CELF5: variants seen among roughly 807,000 people sequenced by gnomAD.
CELF5 encodes CUG-BP and ETR-3 like factor 5.
In CELF5, 6 loss-of-function variants were observed where a neutral mutation model predicts 54.9. That is an observed-to-expected ratio of 0.11 (90% CI 0.06 to 0.22). The LOEUF (loss-of-function observed/expected upper bound fraction) is 0.22, where lower values mean the gene tolerates loss of function less well. Among genes scored for constraint, CELF5 ranks in the 10% least tolerant of loss-of-function variants. The probability of loss-of-function intolerance (pLI) is 1.00; values close to 1 mark genes in which losing one functional copy is unlikely to be tolerated. For synonymous variants in CELF5, 271 were observed against 290.9 expected, an observed-to-expected ratio of 0.93 and a Z score of 0.70; for missense variants, 401 against 678.6, an observed-to-expected ratio of 0.59 and a Z score of 4.54.
chr19:3,232,000 A>G (rs1917290389), intron 1 of CELF5, among the ~76,000 whole-genome samples: 1 of 151,622 alleles, frequency 6.6e-6, no homozygotes, highest in Non-Finnish European at 1.5e-5. Flanking sequence ...GAATGGATGG[A>G]TGGATGATGG....
chr19:3,258,863 G>A (rs10410005), intron 2 of CELF5, among the ~76,000 whole-genome samples: 20,908 of 151,858 alleles, frequency 0.14, 1,518 homozygotes, highest in African/African-American at 0.18. Flanking sequence ...CTCCCGCCTC[G>A]GCCTCCCAAA....
chr19:3,289,546 G>A (rs911221753), intron 10 of CELF5, among the ~76,000 whole-genome samples: 3 of 151,948 alleles, frequency 2.0e-5, no homozygotes, highest in South Asian at 2.1e-4. Flanking sequence ...TCCGGGCTTG[G>A]TGGTGGGCAC....
rs1484585284 is a variant in CELF5, at chr19:3,281,451, C to A, written c.750+106C>A. 3 of 1,316,076 alleles carry A rather than the reference C, an allele frequency of 2.3e-6. No individual in the cohort carries two copies. The highest frequency in any genetic ancestry group is 1.3e-5 in the South Asian group (1 of 74,734). 81.5% of individuals were successfully genotyped at this position (1,316,076 alleles called of 1,614,324 possible). On this transcript the variant is annotated intron_variant, in intron 6 of 12. Coordinates refer to ENST00000292672, the MANE Select transcript of CELF5 (RefSeq NM_021938.4). This position sits in a 1 kb window ranked among gnomAD's most constrained non-coding sequence, Gnocchi z 6.5. ...TCCCTCCATCTCCCTGACTCAGGGTCCTCTCCTGGCGTGGCTGAACCCCAA... is the reference window on the plus strand; with the variant it reads ...TCCCTCCATCTCCCTGACTCAGGGTACTCTCCTGGCGTGGCTGAACCCCAA...
intron 1 of CELF5, among the ~76,000 whole-genome samples, chr19:3,250,366 G>C (rs900944284): frequency 4.6e-5 from 7 of 152,156 alleles, no homozygotes; most frequent in African/African-American, 1.7e-4. Context: ...GCGGGCGCCT[G>C]TAGTCCCAGC....
In CELF5 at chr19:3,282,609, G is replaced by A. The variant is rs187646677; in HGVS notation, c.1039+111G>A. Reference sequence around the variant, plus strand: ...CAGTGCCCAGGGAACAGAAGGGCAGGAAAAAGGGTGTCTCCGCTGAGCAGA... The same window carrying A: ...CAGTGCCCAGGGAACAGAAGGGCAGAAAAAAGGGTGTCTCCGCTGAGCAGA... On this transcript the variant is annotated intron_variant, in intron 8 of 12. Coordinates refer to ENST00000292672, the MANE Select transcript of CELF5 (RefSeq NM_021938.4). The surrounding 1 kb of genome is among the most constrained non-coding windows in gnomAD (Gnocchi z 5.2). The A allele has an allele frequency of 2.8e-3, 3,459 of 1,247,628 alleles. 196 individuals carry two copies. The Admixed American group carries it at 0.075, about 27-fold the overall frequency. The allele number at this position is 1,247,628 out of a possible 1,614,324, so 77.3% of individuals were successfully genotyped here. A position where few individuals can be genotyped will look rare whatever the true frequency, so the allele number is the denominator to read the frequency against.
chr19:3,237,677 G>A (rs1430067138), intron 1 of CELF5, among the ~76,000 whole-genome samples: 1 of 152,180 alleles, frequency 6.6e-6, no homozygotes, highest in Non-Finnish European at 1.5e-5. Context: ...ACCACATCCT[G>A]TTTTATAAGC....
intron 2 of CELF5, among the ~76,000 whole-genome samples, chr19:3,251,670 TTTTTG>T (rs1405933378): frequency 2.2e-5 from 3 of 139,506 alleles, no homozygotes; most frequent in Non-Finnish European, 4.7e-5. Flanking sequence ...TTTTTTTTTT[TTTTTG>T]TTGTTGTTGT....
At chr19:3,259,913 G>T (rs1265745211) in intron 2 of CELF5, among the ~76,000 whole-genome samples, 1 of 152,172 alleles carries the variant, frequency 6.6e-6, no homozygotes. Context: ...CCTTGCCTAG[G>T]AAGATAAGGA....
intron 1 of CELF5, among the ~76,000 whole-genome samples, chr19:3,232,932 G>T (rs1406431956): frequency 2.0e-5 from 3 of 151,940 alleles, no homozygotes; most frequent in Non-Finnish European, 2.9e-5. Context: ...AAATTAGCCG[G>T]GTGTGGTGGT....
At chr19:3,227,278 A>G (rs1262166376) in intron 1 of CELF5, among the ~76,000 whole-genome samples, 1 of 152,142 alleles carries the variant, frequency 6.6e-6, no homozygotes, top group Non-Finnish European at 1.5e-5. Context: ...ACTTCTGGCT[A>G]GTGACTGCCC....
At chr19:3,271,366 G>A (rs1031681948) in intron 2 of CELF5, among the ~76,000 whole-genome samples, 2 of 152,102 alleles carry the variant, frequency 1.3e-5, no homozygotes, top group African/African-American at 2.4e-5. Context: ...AAAGGGCCCC[G>A]GTGTGTATGC....
At chr19:3,257,088 C>T (rs879887905) in intron 2 of CELF5, among the ~76,000 whole-genome samples, 1 of 152,154 alleles carries the variant, frequency 6.6e-6, no homozygotes, top group African/African-American at 2.4e-5. Context: ...GGATTACAAG[C>T]GTGAGCTACC....
chr19:3,250,465 G>A (rs1265584455), intron 1 of CELF5, among the ~76,000 whole-genome samples: 1 of 152,112 alleles, frequency 6.6e-6, no homozygotes, highest in Non-Finnish European at 1.5e-5. Context: ...CTCCAGCCTG[G>A]GTGACAGAGC....
At chr19:3,249,948 G>A (rs969071787) in intron 1 of CELF5, among the ~76,000 whole-genome samples, 1 of 152,076 alleles carries the variant, frequency 6.6e-6, no homozygotes, top group African/African-American at 2.4e-5. Context: ...CTTGTCCAGG[G>A]CTCTCAGCAT....
In CELF5 at chr19:3,227,839, T is replaced by C. The variant is rs544465968; in HGVS notation, c.259+2841T>C. Among the ~76,000 whole-genome samples the C allele has an allele frequency of 2.0e-5, 3 of 152,160 alleles. No homozygotes were observed. The East Asian group carries it at 5.8e-4, about 29-fold the overall frequency. On this transcript the variant is annotated intron_variant, in intron 1 of 12. Coordinates refer to ENST00000292672, the MANE Select transcript of CELF5 (RefSeq NM_021938.4). ...GCCAGGAGAAGCAGCTGTGCCTGTA[T>C]CTGTGTGACATAGGGGTGACAGGTT...
At chr19:3,291,571 CAAAAAAA>C (rs34331089) in intron 11 of CELF5, among the ~76,000 whole-genome samples, 2 of 85,220 alleles carry the variant, frequency 2.3e-5, no homozygotes, top group African/African-American at 5.0e-5. Context: ...GACTCCGACT[CAAAAAAA>C]AAAAAAAAAA....
At chr19:3,290,710 C>G (rs912547111) in intron 11 of CELF5, among the ~76,000 whole-genome samples, 1 of 149,136 alleles carries the variant, frequency 6.7e-6, no homozygotes, top group Non-Finnish European at 1.5e-5. Flanking sequence ...ACTACAGGCG[C>G]CCGCCACCAC....
At chr19:3,249,441 C>G (rs1376239503) in intron 1 of CELF5, among the ~76,000 whole-genome samples, 2 of 152,212 alleles carry the variant, frequency 1.3e-5, no homozygotes, top group Non-Finnish European at 2.9e-5. Context: ...TCTCCCACCC[C>G]TAACGTCGCC....
chr19:3,283,104 T>C (rs2080179297), intron 8 of CELF5, among the ~76,000 whole-genome samples: 1 of 152,226 alleles, frequency 6.6e-6, no homozygotes, highest in South Asian at 2.1e-4. Context: ...AAATCTTAAT[T>C]ATTCATCTGT....
Sources: gnomAD v4.1 joint callset for allele counts (sites outside exome capture counted in the v4.1 genomes callset) on GRCh38, gnomAD v4.1.1 for gene constraint, Gnocchi (gnomAD v3.1) non-coding constraint, MANE v1.5 for transcripts, NCBI Gene and HGNC (gene_info 2026-07-23, HGNC 2026-07-21) for gene names.